The following FAM3C variants were observed in gnomAD, a reference collection of about 807,000 sequenced individuals.
FAM3C encodes the protein protein FAM3C.
A neutral mutation model predicts 32.5 loss-of-function variants in FAM3C; 15 were observed. The ratio of observed to expected loss-of-function variants is 0.46; its 90% CI spans 0.31 to 0.71. The LOEUF is 0.71. FAM3C is among the 30% of genes least tolerant of loss of function. The pLI, the probability that FAM3C is intolerant of heterozygous loss-of-function variation, is 0.05. For synonymous variants in FAM3C, 75 were observed against 86.1 expected (o/e 0.87, Z 0.72); for missense variants, 175 against 274.4 (o/e 0.64, Z 2.56).
chr7:121,389,261 T>G (rs1794530250), intron 1 of FAM3C, among the ~76,000 whole-genome samples: 1 of 152,074 alleles, frequency 6.6e-6, no homozygotes, highest in African/African-American at 2.4e-5. Flanking sequence ...CTTAAATCAA[T>G]GTGAATTAGC....
intron 5 of FAM3C, among the ~76,000 whole-genome samples, chr7:121,364,922 T>C (rs1346253721): frequency 6.6e-6 from 1 of 152,110 alleles, no homozygotes; most frequent in Non-Finnish European, 1.5e-5. Context: ...TTCTTTTAAC[T>C]CAAAACTTCA....
Position 121,350,472 on chromosome 7 carries a change from T to A in FAM3C, c.673A>T (p.Lys225Ter). 1.2e-6 allele frequency: 2 copies of A among 1,611,810 alleles called. No homozygotes were observed. The highest frequency in any genetic ancestry group is 1.7e-6 in the Non-Finnish European group (2 of 1,179,268). Reference protein sequence around the residue: ...VVEMEGCIPQKQD With the variant: ...VVEMEGCIPQ ...TCTCCACATTTCCATTAGTCTTGCTTCTGGGGGATGCATCCTTCCATTTCT... is the reference window on the plus strand; with the variant it reads ...TCTCCACATTTCCATTAGTCTTGCTACTGGGGGATGCATCCTTCCATTTCT... The change falls in exon 10 of 10, where the codon AAG becomes TAG. Residue 225 changes from lysine (K) to a stop codon, truncating the protein, a stop_gained. Transcript: ENST00000359943. LOFTEE classifies it high-confidence loss of function.
chr7:121,365,972 AATC>A (rs1489245004), intron 5 of FAM3C, among the ~76,000 whole-genome samples: 2 of 152,164 alleles, frequency 1.3e-5, no homozygotes, highest in Non-Finnish European at 2.9e-5. Context: ...AGACACCACT[AATC>A]ATCAGGGAAA....
chr7:121,361,599 G>A (rs1171772451), intron 7 of FAM3C, among the ~76,000 whole-genome samples: 1 of 152,160 alleles, frequency 6.6e-6, no homozygotes, highest in Non-Finnish European at 1.5e-5. Flanking sequence ...TAAAATTGAT[G>A]GTCCCATTTT....
intron 7 of FAM3C, among the ~76,000 whole-genome samples, chr7:121,360,689 C>T (rs1260925657): frequency 6.6e-6 from 1 of 151,962 alleles, no homozygotes; most frequent in Non-Finnish European, 1.5e-5. Flanking sequence ...TAAAAATTAG[C>T]CGAGCTTGGT....
intron 1 of FAM3C, among the ~76,000 whole-genome samples, chr7:121,389,534 G>C (rs2116968611): frequency 6.6e-6 from 1 of 152,242 alleles, no homozygotes; most frequent in Non-Finnish European, 1.5e-5. Context: ...GGAAAGATTT[G>C]TTCTAACCTA....
chr7:121,350,574 A>C (rs1276047546), intron 9 of FAM3C, 24 bp from the exon 10 acceptor site: 6 of 1,609,630 alleles, frequency 3.7e-6, no homozygotes, highest in Middle Eastern at 1.7e-4. Context: ...GTAATAATAT[A>C]CAGTTTAAAA....
At chr7:121,393,101 T>C (rs1794609617) in intron 1 of FAM3C, among the ~76,000 whole-genome samples, 1 of 152,120 alleles carries the variant, frequency 6.6e-6, no homozygotes, top group Admixed American at 6.5e-5. Flanking sequence ...TTTGGGGTGA[T>C]GAAAATGTTT....
At position 121,361,312 on chromosome 7, in the gene FAM3C, AT is replaced by A. The variant is rs998602389; in HGVS notation, c.383-1186del. ...TCTTTCCACAGCAAAGATGCCAAAG[AT>A]TTTCGATAACTGATTATATTTCATA... On this transcript the variant is annotated intron_variant, in intron 7 of 9. Coordinates refer to ENST00000359943, the MANE Select transcript of FAM3C (RefSeq NM_014888.3). 1.8e-4 allele frequency among the ~76,000 whole-genome samples: 27 copies of A among 152,216 alleles called. 1 individual carries two copies. Among genetic ancestry groups the A allele is most frequent in the Non-Finnish European group, 1.5e-5 (1 of 68,036 alleles).
intron 3 of FAM3C, among the ~76,000 whole-genome samples, chr7:121,376,776 T>C (rs1013836082): frequency 6.6e-6 from 1 of 152,070 alleles, no homozygotes; most frequent in East Asian, 1.9e-4. Flanking sequence ...AGTCTACATA[T>C]CAGAATTGTC....
chr7:121,362,437 T>C (rs1793944324), intron 7 of FAM3C, among the ~76,000 whole-genome samples: 1 of 152,226 alleles, frequency 6.6e-6, no homozygotes. Context: ...TGATAGTTTA[T>C]CTTGTCTTTC....
At chr7:121,359,965 A>G (rs1793886442) in intron 8 of FAM3C, 78 bp downstream of exon 8, 17 of 749,550 alleles carry the variant, frequency 2.3e-5, no homozygotes, top group Non-Finnish European at 3.5e-5. Context: ...TCTATGTTAC[A>G]GATTTTTTTT....
Position 121,371,429 on chromosome 7 carries a change from G to C in FAM3C, c.149-6C>G, listed in dbSNP as rs1010644782. 10 of 1,612,850 alleles carry C rather than the reference G, an allele frequency of 6.2e-6. No homozygotes were observed. The African/African-American group carries it at 1.1e-4, about 17-fold the overall frequency. On this transcript the variant is annotated splice_region_variant and splice_polypyrimidine_tract_variant and intron_variant, in intron 4 of 9. Coordinates refer to ENST00000359943, the MANE Select transcript of FAM3C (RefSeq NM_014888.3). ...ATATCTGGGAGGCTTTGTAGCTTTG[G>C]GGGAGAAAACATGATGTCTTTTTTT...
At chr7:121,391,515 T>C (rs1794577244) in intron 1 of FAM3C, among the ~76,000 whole-genome samples, 1 of 152,222 alleles carries the variant, frequency 6.6e-6, no homozygotes, top group Non-Finnish European at 1.5e-5. Flanking sequence ...GCTATCTTCA[T>C]CTCATGTAAC....
At chr7:121,388,199 T>G (rs1232456059) in intron 1 of FAM3C, among the ~76,000 whole-genome samples, 1 of 151,104 alleles carries the variant, frequency 6.6e-6, no homozygotes. Context: ...TACCGAATCC[T>G]AGAAGGTACA....
In FAM3C at chr7:121,362,896, C is replaced by T; in HGVS notation, c.382+1G>A. ...AACACAGTCATGTTATTTATGCTTA[C>T]CTCCTCCCCACATGTCAAAATATTT... is the stretch of plus-strand genomic sequence containing the variant. On this transcript the variant is annotated splice_donor_variant, in intron 7 of 9. Transcript: ENST00000359943. LOFTEE classifies it high-confidence loss of function. The T allele has an allele frequency of 6.5e-7, 1 of 1,530,450 alleles. No individual in the cohort carries two copies. 94.8% of individuals were successfully genotyped at this position (1,530,450 alleles called of 1,614,324 possible).
intron 8 of FAM3C, among the ~76,000 whole-genome samples, chr7:121,358,791 A>G (rs1179752185): frequency 6.6e-6 from 1 of 152,044 alleles, no homozygotes; most frequent in African/African-American, 2.4e-5. Flanking sequence ...TACATAGACT[A>G]TATAGGCATT....
chr7:121,374,606 C>A (rs1478991581), intron 3 of FAM3C, among the ~76,000 whole-genome samples: 1 of 152,074 alleles, frequency 6.6e-6, no homozygotes, highest in Non-Finnish European at 1.5e-5. Context: ...ACGAAGATAA[C>A]CATATATCCA....
At position 121,382,956 on chromosome 7, in the gene FAM3C, C is replaced by T; in HGVS notation, c.13+1G>A. 6.2e-7 allele frequency: 1 copy of T among 1,600,510 alleles called. No individual in the cohort carries two copies. The highest frequency in any genetic ancestry group is 1.1e-5 in the South Asian group (1 of 89,464). ...TACTTCTACTAAATTAAATATCTTA[C>T]CTGCTACCCTCATGTTTGGTTTTTC... On this transcript the variant is annotated splice_donor_variant, in intron 2 of 9. Coordinates refer to ENST00000359943, the MANE Select transcript of FAM3C (RefSeq NM_014888.3). LOFTEE classifies it high-confidence loss of function.
Sources: allele counts gnomAD v4.1 joint callset (sites outside exome capture counted in the v4.1 genomes callset), GRCh38; gene constraint gnomAD v4.1.1; transcripts MANE v1.5; gene names NCBI Gene and HGNC (gene_info 2026-07-23, HGNC 2026-07-21).